Variants in ANO6 observed in about 807,000 individuals in gnomAD.
ANO6 encodes anoctamin-6.
ANO6 carries 106 observed loss-of-function variants against 117.5 expected under a neutral mutation model. That is an observed-to-expected ratio of 0.90 (90% CI 0.77 to 1.06). ANO6 has a LOEUF of 1.06. ANO6 is among the 50% of genes least tolerant of loss of function. ANO6 has a pLI of 0.00. For synonymous variants in ANO6, 367 were observed against 385.1 expected, an observed-to-expected ratio of 0.95 and a Z score of 0.55; for missense variants, 955 against 1,121.1, an observed-to-expected ratio of 0.85 and a Z score of 2.12.
chr12:45,224,023 A>T (rs186555256), intron 1 of ANO6, among the ~76,000 whole-genome samples: 1 of 152,286 alleles, frequency 6.6e-6, no homozygotes, highest in Admixed American at 6.5e-5. Context: ...TGCTGAGTGT[A>T]TGTATTTTAC....
At chr12:45,347,130 T>C in intron 4 of ANO6, 43 bp downstream of exon 4, 1 of 1,588,614 alleles carries the variant, frequency 6.3e-7, no homozygotes, top group Non-Finnish European at 8.6e-7. Flanking sequence ...ACCACTGTTC[T>C]CGGGCAGCTT....
chr12:45,230,156 A>G (rs1363821459), intron 1 of ANO6, among the ~76,000 whole-genome samples: 2 of 151,852 alleles, frequency 1.3e-5, no homozygotes. Context: ...TGTCTTTTCC[A>G]TTAAACTGGG....
intron 12 of ANO6, among the ~76,000 whole-genome samples, chr12:45,397,475 C>T (rs1264977857): frequency 6.6e-6 from 1 of 152,118 alleles, no homozygotes; most frequent in Non-Finnish European, 1.5e-5. Context: ...CCCAGCAATC[C>T]CATTACTGGG....
chr12:45,411,441 T>A (rs1943083726), intron 16 of ANO6, among the ~76,000 whole-genome samples: 1 of 152,242 alleles, frequency 6.6e-6, no homozygotes, highest in South Asian at 2.1e-4. Flanking sequence ...TCTGTCACTG[T>A]GTGGGCAACA....
chr12:45,255,136 T>C (rs555632201), intron 1 of ANO6, among the ~76,000 whole-genome samples: 3 of 152,380 alleles, frequency 2.0e-5, no homozygotes, highest in Admixed American at 6.5e-5. Flanking sequence ...CATCTTGTTA[T>C]CTATCATTCA....
intron 10 of ANO6, among the ~76,000 whole-genome samples, chr12:45,378,564 C>A (rs887167547): frequency 7.2e-5 from 11 of 152,112 alleles, no homozygotes; most frequent in Non-Finnish European, 1.5e-4. Flanking sequence ...GAAGAGAGGA[C>A]AAGCTTCAGT....
downstream of ANO6, chr12:45,432,397 A>G (rs1461001800): frequency 2.5e-5 from 16 of 631,068 alleles, no homozygotes; most frequent in Non-Finnish European, 2.9e-5. Context: ...GGAAGAGAAC[A>G]TATATCTGCT....
At chr12:45,408,861 G>A (rs1299004953) in intron 15 of ANO6, among the ~76,000 whole-genome samples, 1 of 151,992 alleles carries the variant, frequency 6.6e-6, no homozygotes, top group African/African-American at 2.4e-5. Context: ...CCACTCCTTT[G>A]TCTCCTTCAC....
At chr12:45,288,405 TCC>T (rs1356642446) in intron 1 of ANO6, among the ~76,000 whole-genome samples, 1 of 151,908 alleles carries the variant, frequency 6.6e-6, no homozygotes, top group Non-Finnish European at 1.5e-5. Flanking sequence ...AACTCCCCAT[TCC>T]CCCTTCTCCT....
intron 16 of ANO6, among the ~76,000 whole-genome samples, chr12:45,410,932 T>G (rs1159503849): frequency 6.6e-6 from 1 of 152,246 alleles, no homozygotes; most frequent in African/African-American, 2.4e-5. Context: ...AATTTCATTT[T>G]TGCTTTGTTA....
intron 19 of ANO6, chr12:45,439,594 T>C: frequency 8.0e-7 from 1 of 1,247,776 alleles, no homozygotes; most frequent in Non-Finnish European, 1.0e-6. Context: ...TCATTTTCAT[T>C]CAGCTTACCT....
At chr12:45,351,357 A>C (rs1941276002) in intron 7 of ANO6, among the ~76,000 whole-genome samples, 2 of 152,202 alleles carry the variant, frequency 1.3e-5, no homozygotes, top group Admixed American at 1.3e-4. Flanking sequence ...TGTATCTCAC[A>C]AGATACAATG....
At chr12:45,330,746 T>C (rs1940634305) in intron 2 of ANO6, among the ~76,000 whole-genome samples, 1 of 152,106 alleles carries the variant, frequency 6.6e-6, no homozygotes. Flanking sequence ...CACCAATGAC[T>C]AGTGCAGCTT....
intron 2 of ANO6, among the ~76,000 whole-genome samples, chr12:45,304,855 C>CTA (rs1939614715): frequency 6.6e-6 from 1 of 152,184 alleles, no homozygotes; most frequent in Admixed American, 6.5e-5. Context: ...TTAGGTAAAG[C>CTA]CAGCACTGCT....
intron 2 of ANO6, among the ~76,000 whole-genome samples, chr12:45,306,503 A>G (rs1357780097): frequency 6.6e-6 from 1 of 152,180 alleles, no homozygotes; most frequent in Non-Finnish European, 1.5e-5. Context: ...AGATACACAG[A>G]GAAGGAAGTC....
chr12:45,429,689 C>G lies in ANO6; in HGVS notation c.*378C>G, dbSNP rs1440459228. On this transcript the variant is annotated 3_prime_UTR_variant, in exon 20 of 20. Coordinates refer to ENST00000320560, the MANE Select transcript of ANO6 (RefSeq NM_001025356.3). Reference sequence around the variant, plus strand: ...GCGCATGATCTCCTTTATTTTTAAGCCATGTTTCATTTCTTCACTTGGCTA... The same window carrying G: ...GCGCATGATCTCCTTTATTTTTAAGGCATGTTTCATTTCTTCACTTGGCTA... The G allele has an allele frequency of 1.8e-6, 2 of 1,115,252 alleles. No homozygotes were observed. Among genetic ancestry groups the G allele is most frequent in the Non-Finnish European group, 2.2e-6 (2 of 909,170 alleles). The allele number at this position is 1,115,252 out of a possible 1,614,324, so 69.1% of individuals were successfully genotyped here.
Position 45,431,834 on chromosome 12 carries a change from A to G in ANO6, c.*2523A>G, listed in dbSNP as rs1943639872. Reference sequence around the variant, plus strand: ...GCCTTCAGCCTGTCCAGTGTTAACCACTAGAGAAACTGAGCTTTATATCCT... The same window carrying G: ...GCCTTCAGCCTGTCCAGTGTTAACCGCTAGAGAAACTGAGCTTTATATCCT... On this transcript the variant is annotated 3_prime_UTR_variant, in exon 20 of 20. Coordinates refer to ENST00000320560, the MANE Select transcript of ANO6 (RefSeq NM_001025356.3). 5 of 985,464 alleles carry G rather than the reference A, an allele frequency of 5.1e-6. No homozygotes were observed. Among genetic ancestry groups the G allele is most frequent in the South Asian group, 4.7e-5 (1 of 21,288 alleles). 61.0% of individuals were successfully genotyped at this position (985,464 alleles called of 1,614,324 possible).
intron 1 of ANO6, among the ~76,000 whole-genome samples, chr12:45,274,643 T>C (rs2037856): frequency 0.9 from 136,642 of 151,602 alleles, 62,661 homozygotes; most frequent in Non-Finnish European, 0.99. Context: ...TGTAGTGGCT[T>C]CTCTACAAAC....
chr12:45,241,880 G>C (rs983967016), intron 1 of ANO6, among the ~76,000 whole-genome samples: 2 of 152,230 alleles, frequency 1.3e-5, no homozygotes, highest in Non-Finnish European at 2.9e-5. Flanking sequence ...ACCAGTTGAG[G>C]CTGCAGAACT....
Sources: allele counts gnomAD v4.1 joint callset (sites outside exome capture counted in the v4.1 genomes callset), GRCh38; gene constraint gnomAD v4.1.1; transcripts MANE v1.5; gene names NCBI Gene and HGNC (gene_info 2026-07-23, HGNC 2026-07-21).